The following EFCAB5 variants were observed in gnomAD, a reference collection of about 807,000 sequenced individuals.
EFCAB5 encodes EF-hand calcium binding domain 5, also known as EF-hand calcium-binding domain-containing protein 5.
Under a neutral mutation model 167.9 loss-of-function variants are expected in EFCAB5, and 131 were observed. That is an observed-to-expected ratio of 0.78 (90% CI 0.68 to 0.90). The LOEUF (loss-of-function observed/expected upper bound fraction) is 0.90, where lower values mean the gene tolerates loss of function less well. Ranked by LOEUF, EFCAB5 falls within the 40% of genes least tolerant of loss-of-function variation. EFCAB5 has a pLI of 0.00. For missense variants in EFCAB5, 1,663 were observed against 1,745.2 expected, an observed-to-expected ratio of 0.95 and a Z score of 0.84; for synonymous variants, 574 against 602.8, an observed-to-expected ratio of 0.95 and a Z score of 0.70.
At chr17:29,969,786 C>T (rs908582502) in intron 4 of EFCAB5, among the ~76,000 whole-genome samples, 1 of 152,144 alleles carries the variant, frequency 6.6e-6, no homozygotes, top group African/African-American at 2.4e-5. Context: ...TCCACCTCCA[C>T]CATAAATAAC....
chr17:29,980,365 G>C (rs549487524), intron 4 of EFCAB5, among the ~76,000 whole-genome samples: 3 of 152,294 alleles, frequency 2.0e-5, no homozygotes, highest in Admixed American at 1.3e-4. Flanking sequence ...ATCAAAAGCA[G>C]TTGTCCGTAT....
intron 7 of EFCAB5, among the ~76,000 whole-genome samples, chr17:30,012,489 C>G (rs532549912): frequency 9.2e-5 from 14 of 152,288 alleles, no homozygotes; most frequent in African/African-American, 3.4e-4. Flanking sequence ...CTCTCTCTGC[C>G]TCGGCTGCCA....
In EFCAB5 at chr17:30,055,895, A is replaced by G; in HGVS notation, c.2202A>G (p.Thr734=). ...TTCATTTGCACCTTTTAGAAACTAC[A>G]AAAAAGGAAGTTCAGAAAGACAAGC... The part of the protein sequence containing the change: ...LSRKDHFPET[T]KKEVQKDKPC... The change falls in exon 11 of 23, where the codon ACA becomes ACG. Residue 734 remains threonine (T), a synonymous_variant. Coordinates refer to ENST00000394835, the MANE Select transcript of EFCAB5 (RefSeq NM_198529.4). 3.1e-6 allele frequency: 5 copies of G among 1,612,150 alleles called. No homozygotes were observed. Among genetic ancestry groups the G allele is most frequent in the Non-Finnish European group, 4.2e-6 (5 of 1,179,414 alleles).
intron 3 of EFCAB5, among the ~76,000 whole-genome samples, chr17:29,944,645 C>T (rs538916810): frequency 1.4e-4 from 18 of 132,142 alleles, no homozygotes; most frequent in Middle Eastern, 4.7e-3. Flanking sequence ...TTTTTTGAGA[C>T]GAAGTTTTGC....
intron 8 of EFCAB5, among the ~76,000 whole-genome samples, chr17:30,035,063 A>C (rs2151740710): frequency 6.6e-6 from 1 of 152,352 alleles, no homozygotes; most frequent in Middle Eastern, 3.4e-3. Flanking sequence ...GCAATTCAGA[A>C]AAAGCAATTC....
intron 8 of EFCAB5, among the ~76,000 whole-genome samples, chr17:30,036,270 TATAATTATATATA>T (rs1342098574): frequency 1.7e-5 from 2 of 117,262 alleles, no homozygotes; most frequent in Admixed American, 1.9e-4. Context: ...ATATATAATA[TATAATTATATATA>T]ATACACATAT....
intron 5 of EFCAB5, among the ~76,000 whole-genome samples, chr17:29,994,175 T>TATATATATATAA (rs2068495338): frequency 7.9e-6 from 1 of 127,286 alleles, no homozygotes; most frequent in Non-Finnish European, 1.7e-5. Context: ...TATATATATA[T>TATATATATATAA]ATGTGATATA....
intron 15 of EFCAB5, among the ~76,000 whole-genome samples, 181 bp downstream of exon 15, chr17:30,078,685 A>C (rs2070920683): frequency 6.6e-6 from 1 of 152,178 alleles, no homozygotes. Context: ...AACTGGAGTG[A>C]CTGCTGGTTG....
At chr17:29,971,762 C>T (rs776487995) in intron 4 of EFCAB5, among the ~76,000 whole-genome samples, 1 of 152,126 alleles carries the variant, frequency 6.6e-6, no homozygotes, top group Non-Finnish European at 1.5e-5. Context: ...ATGCTTTCTA[C>T]TTGTAAGACA....
chr17:30,096,677 A>ATATATTTTTT (rs1193558323), intron 22 of EFCAB5, among the ~76,000 whole-genome samples: 12 of 60,128 alleles, frequency 2.0e-4, no homozygotes, highest in African/African-American at 1.0e-3. Flanking sequence ...ATATATATAT[A>ATATATTTTTT]TTTTTTTTTT....
intron 4 of EFCAB5, among the ~76,000 whole-genome samples, chr17:29,971,534 TG>T (rs2067955551): frequency 6.6e-6 from 1 of 152,180 alleles, no homozygotes; most frequent in Non-Finnish European, 1.5e-5. Context: ...TTTATCTCAA[TG>T]GGAAAATGTA....
At chr17:29,994,167 T>TATATATATATATATAC (rs1411208091) in intron 5 of EFCAB5, among the ~76,000 whole-genome samples, 57 of 132,204 alleles carry the variant, frequency 4.3e-4, no homozygotes, top group Non-Finnish European at 7.6e-4. Flanking sequence ...TATATATATA[T>TATATATATATATATAC]ATATATATAT....
Position 29,996,347 on chromosome 17 carries a change from A to C in EFCAB5, c.960A>C (p.Pro320=). Residue 320 remains proline (P), a synonymous_variant, in exon 6 of 23, where the codon CCA becomes CCC. Transcript: ENST00000394835. ...TTCTTCAAGAATTCTTTCAAAATCC[A>C]GATTTCAAGCTTGGTAAGTCTGCCT... ...QNVLQEFFQN[P]DFKLGSHCKQ... The C allele has an allele frequency of 1.3e-6, 2 of 1,551,400 alleles. No individual in the cohort carries two copies. The highest frequency in any genetic ancestry group is 1.7e-6 in the Non-Finnish European group (2 of 1,146,994).
intron 22 of EFCAB5, among the ~76,000 whole-genome samples, chr17:30,097,986 G>A (rs935828180): frequency 3.9e-5 from 6 of 152,070 alleles, no homozygotes; most frequent in African/African-American, 1.4e-4. Context: ...TCAGGCTGGA[G>A]TGCAGTGCCA....
intron 1 of EFCAB5, chr17:29,930,048 T>A: frequency 1.4e-6 from 1 of 739,626 alleles, no homozygotes. Context: ...GTCCTGAGTG[T>A]GGGGGACGGG....
At chr17:30,083,682 G>C (rs1460965665) in intron 18 of EFCAB5, among the ~76,000 whole-genome samples, 3 of 152,114 alleles carry the variant, frequency 2.0e-5, no homozygotes, top group Admixed American at 2.0e-4. Flanking sequence ...TTGAACTCCC[G>C]ACCTCAGATG....
At chr17:30,085,590 G>A (rs756366729) in intron 18 of EFCAB5, among the ~76,000 whole-genome samples, 4 of 151,934 alleles carry the variant, frequency 2.6e-5, no homozygotes, top group African/African-American at 9.7e-5. Context: ...GCGCGGTGGC[G>A]GGCGCCTGTC....
In EFCAB5 at chr17:30,106,674, C is replaced by CTT. The variant is rs555532828; in HGVS notation, c.4322-1159_4322-1158insTT. 4.1e-3 allele frequency among the ~76,000 whole-genome samples: 620 copies of CTT among 152,306 alleles called. 4 individuals carry two copies. Among genetic ancestry groups the CTT allele is most frequent in the African/African-American group, 0.014 (571 of 41,550 alleles). ...GTTTCACCATGTTGGCCAGGCTGAT[C>CTT]TCAAACTCCTGACCTCAAGTGATCC... is the stretch of plus-strand genomic sequence containing the variant. On this transcript the variant is annotated intron_variant, in intron 22 of 22. Transcript: ENST00000394835.
At chr17:30,071,574 A>G (rs541924331) in intron 14 of EFCAB5, among the ~76,000 whole-genome samples, 29 of 152,206 alleles carry the variant, frequency 1.9e-4, no homozygotes, top group African/African-American at 6.7e-4. Context: ...TAGAGCCACT[A>G]TTGAAAACAG....
Sources: allele counts gnomAD v4.1 joint callset (sites outside exome capture counted in the v4.1 genomes callset), GRCh38; gene constraint gnomAD v4.1.1; transcripts MANE v1.5; gene names NCBI Gene and HGNC (gene_info 2026-07-23, HGNC 2026-07-21).